SPTB: variants seen among roughly 807,000 people sequenced by gnomAD.
SPTB encodes spectrin beta, erythrocytic.
Under a neutral mutation model 256.2 loss-of-function variants are expected in SPTB, and 45 were observed. The observed-to-expected ratio is 0.18, with a 90% CI of 0.14 to 0.23. SPTB has a LOEUF of 0.23. Ranked by LOEUF, SPTB falls within the 10% of genes least tolerant of loss-of-function variation. SPTB has a pLI of 1.00. For synonymous variants in SPTB, 1,231 were observed against 1,243.1 expected (o/e 0.99, Z 0.21); for missense variants, 2,715 against 3,040.4 (o/e 0.89, Z 2.52).
intron 1 of SPTB, among the ~76,000 whole-genome samples, chr14:64,843,434 C>T (rs2083639022): frequency 6.6e-6 from 1 of 152,064 alleles, no homozygotes; most frequent in Non-Finnish European, 1.5e-5. Flanking sequence ...TTATACTTCA[C>T]TGGGGAAAAA....
chr14:64,788,129 A>G (rs2082606135), intron 15 of SPTB, among the ~76,000 whole-genome samples: 2 of 152,190 alleles, frequency 1.3e-5, no homozygotes, highest in Non-Finnish European at 2.9e-5. Flanking sequence ...ACAGGCAGAG[A>G]GGAGGATTAA....
In SPTB at chr14:64,796,500, G is replaced by C; in HGVS notation, c.1341+57C>G. On this transcript the variant is annotated intron_variant, in intron 11 of 35. Transcript: ENST00000644917. The surrounding 1 kb of genome is among the most constrained non-coding windows in gnomAD (Gnocchi z 4.1). ...AGCTTGGACTCCAGCCCAGCCAAGAGCTGGGGGCTCTGAAGAATGTCCCCT... is the reference window on the plus strand; with the variant it reads ...AGCTTGGACTCCAGCCCAGCCAAGACCTGGGGGCTCTGAAGAATGTCCCCT... The C allele has an allele frequency of 6.2e-7, 1 of 1,612,064 alleles. No homozygotes were observed. The highest frequency in any genetic ancestry group is 1.3e-5 in the African/African-American group (1 of 75,004).
In SPTB at chr14:64,779,713, T is replaced by C; in HGVS notation, c.4473+12A>G. ...AGCCTCAGGAGGTAGGGAGAAGCTGTGGCCCACGCACCGTCTCATCCTCTA... is the reference window on the plus strand; with the variant it reads ...AGCCTCAGGAGGTAGGGAGAAGCTGCGGCCCACGCACCGTCTCATCCTCTA... On this transcript the variant is annotated intron_variant, in intron 21 of 35. Coordinates refer to ENST00000644917, the MANE Select transcript of SPTB (RefSeq NM_001355436.2). The surrounding 1 kb of genome is among the most constrained non-coding windows in gnomAD (Gnocchi z 4.2). The C allele has an allele frequency of 1.2e-6, 2 of 1,614,092 alleles. No individual in the cohort carries two copies. The highest frequency in any genetic ancestry group is 1.7e-6 in the Non-Finnish European group (2 of 1,179,982).
chr14:64,785,460 G>A lies in SPTB; in HGVS notation c.3855+77C>T. The A allele has an allele frequency of 7.5e-7, 1 of 1,332,890 alleles. No individual in the cohort carries two copies. The allele number at this position is 1,332,890 out of a possible 1,614,324, so 82.6% of individuals were successfully genotyped here. On this transcript the variant is annotated intron_variant, in intron 18 of 35. Coordinates refer to ENST00000644917, the MANE Select transcript of SPTB (RefSeq NM_001355436.2). The surrounding 1 kb of genome is among the most constrained non-coding windows in gnomAD (Gnocchi z 4.4). ...CTCTTGAGCTAGAAAGGATCCCTGT[G>A]GACTTCCTGCCTTGAGGGAACTCTG...
intron 27 of SPTB, 41 bp from the exon 28 acceptor site, chr14:64,769,769 C>A: frequency 1.2e-6 from 2 of 1,613,656 alleles, no homozygotes; most frequent in South Asian, 2.2e-5. Context: ...AACTCTGGGT[C>A]ACTCTGGCCT....
chr14:64,803,675 G>A lies in SPTB; in HGVS notation c.406C>T (p.His136Tyr). The change falls in exon 4 of 36, where the codon CAC (histidine) becomes TAC (tyrosine). Residue 136 changes from histidine (H) to tyrosine (Y), a missense_variant. Around this residue, in one of 4 missense-constraint regions of SPTB, gnomAD observed 416 missense variants for 571.1 expected, o/e 0.73. Transcript: ENST00000644917. ...CGGTGGTTGCCATCTACAATGTCGTGGGAGCCCATGTTCTCCAGGTGTACA... is the reference window on the plus strand; with the variant it reads ...CGGTGGTTGCCATCTACAATGTCGTAGGAGCCCATGTTCTCCAGGTGTACA... Reference protein sequence around the residue: ...QRVHLENMGSHDIVDGNHRLV... With the variant: ...QRVHLENMGSYDIVDGNHRLV... The A allele has an allele frequency of 6.2e-7, 1 of 1,614,180 alleles. No individual in the cohort carries two copies. The highest frequency in any genetic ancestry group is 8.5e-7 in the Non-Finnish European group (1 of 1,180,030).
At position 64,822,999 on chromosome 14, in the gene SPTB, A is replaced by G. The variant is rs141340359; in HGVS notation, c.96T>C (p.Asn32=). 7.3e-4 allele frequency: 1,178 copies of G among 1,614,058 alleles called. 4 individuals carry two copies. In the Middle Eastern group the frequency reaches 8.0e-3, roughly 11 times the overall value. ...CAAAGAGCCTGGCTGAGCTGTTGTC[A>G]TTATCCAGCTCGTCGTCTGGGGCGT... ...RWDAPDDELD[N]DNSSARLFER... Residue 32 remains asparagine (N), a synonymous_variant, in exon 2 of 36, where the codon AAT becomes AAC. Coordinates refer to ENST00000644917, the MANE Select transcript of SPTB (RefSeq NM_001355436.2).
chr14:64,767,493 C>T, intron 30 of SPTB, 141 bp from the exon 31 acceptor site: 2 of 1,405,982 alleles, frequency 1.4e-6, no homozygotes, highest in Non-Finnish European at 2.0e-6. Context: ...CTGTCCTTTG[C>T]ATTCGGAGGT....
chr14:64,757,657 G>C (rs997374488), intron 32 of SPTB: 3 of 152,360 alleles, frequency 2.0e-5, no homozygotes, highest in Non-Finnish European at 2.9e-5. Context: ...AGGGGGGAGC[G>C]GACACAGGTG....
At position 64,793,334 on chromosome 14, in the gene SPTB, C is replaced by T. The variant is rs1187745599; in HGVS notation, c.2329G>A (p.Ala777Thr). ...SGEDVGQDEG[A>T]TRALGKKHKD... ...TGCTTTTTCCCCAGGGCCCGCGTGG[C>T]CCCTTCGTCCTGCCCCACATCTTCA... Residue 777 changes from alanine (A) to threonine (T), a missense_variant, in exon 14 of 36, where the codon GCC becomes ACC. Ala to Thr is a moderately conservative substitution (Grantham distance 58, BLOSUM62 0). Around this residue, in one of 4 missense-constraint regions of SPTB, gnomAD observed 2,239 missense variants for 2,384.4 expected, o/e 0.94. Transcript: ENST00000644917. The surrounding 1 kb of genome is among the most constrained non-coding windows in gnomAD (Gnocchi z 7.0). 2 of 1,610,184 alleles carry T rather than the reference C, an allele frequency of 1.2e-6. No homozygotes were observed. Among genetic ancestry groups the T allele is most frequent in the Admixed American group, 1.7e-5 (1 of 60,038 alleles).
At position 64,823,023 on chromosome 14, in the gene SPTB, G is replaced by A. The variant is rs373924416; in HGVS notation, c.72C>T (p.Asp24=). ...CATTATCCAGCTCGTCGTCTGGGGC[G>A]TCCCAGCGGGCATTGATCCTGCTGT... is the stretch of plus-strand genomic sequence containing the variant. The part of the protein sequence containing the change: ...PPYSRINARW[D]APDDELDNDN... The change falls in exon 2 of 36, where the codon GAC becomes GAT. Residue 24 remains aspartate, a synonymous_variant. Transcript: ENST00000644917. The surrounding 1 kb of genome is among the most constrained non-coding windows in gnomAD (Gnocchi z 6.5). The A allele has an allele frequency of 8.1e-6, 13 of 1,614,042 alleles. No individual in the cohort carries two copies. Among genetic ancestry groups the A allele is most frequent in the African/African-American group, 8.0e-5 (6 of 74,936 alleles).
rs1295859631 is a variant in SPTB at position 64,779,243 on chromosome 14, A to T, written c.4477T>A (p.Trp1493Arg). 4 of 1,612,982 alleles carry T rather than the reference A, an allele frequency of 2.5e-6. No homozygotes were observed. Among genetic ancestry groups the T allele is most frequent in the Non-Finnish European group, 3.4e-6 (4 of 1,179,424 alleles). The stretch of plus-strand genomic sequence containing the variant: ...GCCAGAGGCAGCCTCTCCTCCACCC[A>T]AAGCTGCAGAGACCAGGAGGCAGGA... ...ISRDLEDETL[W>R]VEERLPLAQS... Residue 1493 changes from tryptophan (W) to arginine (R), a missense_variant, in exon 22 of 36, where the codon TGG becomes AGG. Transcript: ENST00000644917. The surrounding 1 kb of genome is among the most constrained non-coding windows in gnomAD (Gnocchi z 4.2).
intron 13 of SPTB, among the ~76,000 whole-genome samples, chr14:64,794,166 G>A (rs554585664): frequency 5.3e-5 from 8 of 152,290 alleles, no homozygotes; most frequent in South Asian, 4.1e-4. Flanking sequence ...CTTGAAAGAT[G>A]CAGTGAGGTC....
intron 1 of SPTB, among the ~76,000 whole-genome samples, chr14:64,849,939 A>C (rs900620170): frequency 1.3e-5 from 2 of 152,110 alleles, no homozygotes; most frequent in Non-Finnish European, 2.9e-5. Flanking sequence ...CCTTTGGAGC[A>C]CTCATTCCAC....
intron 8 of SPTB, 92 bp downstream of exon 8, chr14:64,800,664 C>G: frequency 8.8e-7 from 1 of 1,136,514 alleles, no homozygotes; most frequent in Non-Finnish European, 1.3e-6. Context: ...GAGCTGTACT[C>G]TTCACCCTTT....
In SPTB at chr14:64,795,138, G is replaced by T. The variant is rs991083329; in HGVS notation, c.1644+199C>A. Among the ~76,000 whole-genome samples the T allele has an allele frequency of 6.6e-6, 1 of 152,246 alleles. No homozygotes were observed. The highest frequency in any genetic ancestry group is 1.5e-5 in the Non-Finnish European group (1 of 68,036). On this transcript the variant is annotated intron_variant, in intron 12 of 35. Coordinates refer to ENST00000644917, the MANE Select transcript of SPTB (RefSeq NM_001355436.2). This position sits in a 1 kb window ranked among gnomAD's most constrained non-coding sequence, Gnocchi z 6.5. Reference sequence around the variant, plus strand: ...CACCAGGGTACCATGGACCTGGGCTGGTATCACCTGCTGGAGCAGAGTGGA... The same window carrying T: ...CACCAGGGTACCATGGACCTGGGCTTGTATCACCTGCTGGAGCAGAGTGGA...
chr14:64,793,570 T>C lies in SPTB; in HGVS notation c.2093A>G (p.Gln698Arg), dbSNP rs770132994. 1.9e-6 allele frequency: 3 copies of C among 1,614,212 alleles called. No individual in the cohort carries two copies. Among genetic ancestry groups the C allele is most frequent in the Non-Finnish European group, 2.5e-6 (3 of 1,180,048 alleles). Residue 698 changes from glutamine to arginine, a missense_variant, in exon 14 of 36, where the codon CAG (glutamine) becomes CGG (arginine). This residue lies in a region of SPTB where 2,239 missense variants were observed against 2,384.4 expected (regional missense o/e 0.94). Transcript: ENST00000644917. The surrounding 1 kb of genome is among the most constrained non-coding windows in gnomAD (Gnocchi z 7.0). ...GLDAHLEQIFQEAHGMVARKQ... is the reference protein window; with the variant it reads ...GLDAHLEQIFREAHGMVARKQ... ...GCGCGCAACCATGCCATGAGCCTCCTGGAAGATCTGCTCCAGGTGAGCATC... is the reference window on the plus strand; with the variant it reads ...GCGCGCAACCATGCCATGAGCCTCCCGGAAGATCTGCTCCAGGTGAGCATC...
Position 64,815,449 on chromosome 14 carries a change from A to G in SPTB, c.148+7498T>C, listed in dbSNP as rs891742310. 1.2e-4 allele frequency among the ~76,000 whole-genome samples: 19 copies of G among 152,182 alleles called. 1 individual carries two copies. The South Asian group carries it at 3.7e-3, about 30-fold the overall frequency. ...ATTCTGACCTTCCTCATCTCTAGGGAGATGACAACAGCTATAAGCTGCCCA... is the reference window on the plus strand; with the variant it reads ...ATTCTGACCTTCCTCATCTCTAGGGGGATGACAACAGCTATAAGCTGCCCA... On this transcript the variant is annotated intron_variant, in intron 2 of 35. Transcript: ENST00000644917.
At chr14:64,797,467 CAAAAAAAAAAAAAAA>C (rs57385615) in intron 10 of SPTB, among the ~76,000 whole-genome samples, 370 of 30,994 alleles carry the variant, frequency 0.012, 4 homozygotes, top group African/African-American at 0.039. Flanking sequence ...ACCCTGTCTC[CAAAAAAAAAAAAAAA>C]AAAAAAAAAA....
Sources: allele counts gnomAD v4.1 joint callset (sites outside exome capture counted in the v4.1 genomes callset), GRCh38; gene constraint gnomAD v4.1.1; regional missense constraint gnomAD v4.1.1; non-coding constraint Gnocchi (gnomAD v3.1); transcripts MANE v1.5; gene names NCBI Gene and HGNC (gene_info 2026-07-23, HGNC 2026-07-21).